The following ATP6V1H variants were observed in gnomAD, a reference collection of about 807,000 sequenced individuals.
The protein encoded by ATP6V1H is ATPase H+ transporting V1 subunit H, also known as V-type proton ATPase subunit H.
A neutral mutation model predicts 71.7 loss-of-function variants in ATP6V1H; 39 were observed. The observed-to-expected ratio is 0.54, with a 90% CI of 0.42 to 0.71. The LOEUF (loss-of-function observed/expected upper bound fraction) is 0.71. ATP6V1H is among the 30% of genes least tolerant of loss of function. ATP6V1H has a pLI of 0.00. For synonymous variants in ATP6V1H, 192 were observed against 199.3 expected (o/e 0.96, Z 0.31); for missense variants, 509 against 594.9 (o/e 0.86, Z 1.50).
intron 12 of ATP6V1H, among the ~76,000 whole-genome samples, chr8:53,747,344 T>C (rs1807638988): frequency 1.3e-5 from 2 of 152,166 alleles, no homozygotes; most frequent in South Asian, 4.1e-4. Context: ...AGTTATAAAT[T>C]CAATGAGCAC....
intron 9 of ATP6V1H, among the ~76,000 whole-genome samples, chr8:53,792,019 T>C (rs1207917309): frequency 1.3e-5 from 2 of 152,106 alleles, no homozygotes; most frequent in African/African-American, 4.8e-5. Flanking sequence ...AGCACTTAAG[T>C]AGAAGAAAAA....
intron 7 of ATP6V1H, among the ~76,000 whole-genome samples, chr8:53,807,596 C>T (rs1037242173): frequency 6.6e-6 from 1 of 152,124 alleles, no homozygotes; most frequent in Non-Finnish European, 1.5e-5. Context: ...CCAAAAGAGG[C>T]AAATCCCAAG....
intron 4 of ATP6V1H, among the ~76,000 whole-genome samples, chr8:53,822,426 A>G (rs567415675): frequency 4.4e-4 from 67 of 152,292 alleles, no homozygotes; most frequent in African/African-American, 1.6e-3. Context: ...AAGTTCATTG[A>G]CTGTTGCAAA....
intron 11 of ATP6V1H, among the ~76,000 whole-genome samples, chr8:53,766,941 C>T (rs1171930516): frequency 6.6e-6 from 1 of 152,186 alleles, no homozygotes; most frequent in South Asian, 2.1e-4. Context: ...TTCTATTACC[C>T]TGTTAAGAAC....
At chr8:53,774,405 T>C (rs1370591097) in intron 9 of ATP6V1H, among the ~76,000 whole-genome samples, 2 of 152,196 alleles carry the variant, frequency 1.3e-5, no homozygotes, top group South Asian at 2.1e-4. Flanking sequence ...ACAGTTCAGT[T>C]TGAACTGTTA....
chr8:53,819,759 A>G (rs1341470133), intron 4 of ATP6V1H, among the ~76,000 whole-genome samples: 1 of 144,108 alleles, frequency 6.9e-6, no homozygotes, highest in Non-Finnish European at 1.5e-5. Flanking sequence ...ATATATACAC[A>G]CATTTGTATA....
chr8:53,805,184 C>T (rs1389459624), intron 7 of ATP6V1H, among the ~76,000 whole-genome samples: 2 of 152,084 alleles, frequency 1.3e-5, no homozygotes, highest in South Asian at 2.1e-4. Context: ...GAATAAAGAC[C>T]GTATTCATCT....
chr8:53,751,914 C>T (rs1166311911), intron 12 of ATP6V1H, among the ~76,000 whole-genome samples: 3 of 152,104 alleles, frequency 2.0e-5, no homozygotes, highest in Non-Finnish European at 4.4e-5. Flanking sequence ...GTGATCTGCC[C>T]ACCTTGGCCT....
At chr8:53,754,440 G>A (rs1350544232) in intron 12 of ATP6V1H, among the ~76,000 whole-genome samples, 1 of 152,070 alleles carries the variant, frequency 6.6e-6, no homozygotes, top group Non-Finnish European at 1.5e-5. Context: ...CAAGCACCAG[G>A]ATAAGGCCAA....
At chr8:53,779,169 T>C (rs1809005509) in intron 9 of ATP6V1H, among the ~76,000 whole-genome samples, 1 of 152,124 alleles carries the variant, frequency 6.6e-6, no homozygotes, top group Non-Finnish European at 1.5e-5. Context: ...ATAGAAGATC[T>C]AAATAACACT....
At chr8:53,815,696 T>C (rs1211684474) in intron 5 of ATP6V1H, among the ~76,000 whole-genome samples, 1 of 152,208 alleles carries the variant, frequency 6.6e-6, no homozygotes, top group Non-Finnish European at 1.5e-5. Context: ...TATAAATACA[T>C]TATCTAGTTT....
At chr8:53,749,198 G>A (rs1241904831) in intron 12 of ATP6V1H, among the ~76,000 whole-genome samples, 1 of 152,140 alleles carries the variant, frequency 6.6e-6, no homozygotes, top group Non-Finnish European at 1.5e-5. Flanking sequence ...ACAGAAAATT[G>A]GACATTTGTA....
In ATP6V1H at chr8:53,780,714, C is replaced by T. The variant is rs895396976; in HGVS notation, c.871-8547G>A. ...CCATCCCCCACTCCACAACAGCCCC[C>T]GGTGTGTGATGTTCCCCTTCCTGTG... On this transcript the variant is annotated intron_variant, in intron 9 of 13. Transcript: ENST00000359530. 8.5e-5 allele frequency among the ~76,000 whole-genome samples: 13 copies of T among 152,126 alleles called. No individual in the cohort carries two copies. In the East Asian group the frequency reaches 1.9e-3, roughly 23 times the overall value.
At chr8:53,734,774 G>A (rs1296753400) in intron 13 of ATP6V1H, among the ~76,000 whole-genome samples, 2 of 152,072 alleles carry the variant, frequency 1.3e-5, no homozygotes, top group East Asian at 1.9e-4. Flanking sequence ...ACCCGCTACC[G>A]GGCGTCAGTC....
At chr8:53,829,348 C>A in intron 4 of ATP6V1H, 96 bp downstream of exon 4, 1 of 775,868 alleles carries the variant, frequency 1.3e-6, no homozygotes, top group South Asian at 1.5e-5. Context: ...TAGAAGAGAA[C>A]AAATGTTCTA....
Position 53,814,733 on chromosome 8 carries a change from C to G in ATP6V1H, c.454G>C (p.Gly152Arg). Residue 152 changes from glycine (G) to arginine (R), a missense_variant, in exon 6 of 14, where the codon GGA becomes CGA. Gly to Arg is a moderately radical substitution (Grantham distance 125). Transcript: ENST00000359530. ...TCACTGCCTTCCATCAGTTCTTTTC[C>G]CCAAGCTGCTAACTTGGCAATAATT... ...ARIIAKLAAWGKELMEGSDLN... is the reference protein window; with the variant it reads ...ARIIAKLAAWRKELMEGSDLN... 6.2e-7 allele frequency: 1 copy of G among 1,612,598 alleles called. No individual in the cohort carries two copies. Among genetic ancestry groups the G allele is most frequent in the Non-Finnish European group, 8.5e-7 (1 of 1,179,444 alleles).
intron 9 of ATP6V1H, among the ~76,000 whole-genome samples, chr8:53,789,429 T>C (rs1012694503): frequency 6.6e-6 from 1 of 152,104 alleles, no homozygotes; most frequent in East Asian, 1.9e-4. Context: ...TCCCAGCACT[T>C]TGGGAGGCCG....
intron 11 of ATP6V1H, among the ~76,000 whole-genome samples, chr8:53,766,735 C>T (rs1208566958): frequency 6.6e-6 from 1 of 152,152 alleles, no homozygotes; most frequent in Middle Eastern, 3.2e-3. Flanking sequence ...ACTCCAGTCT[C>T]CCATAGCGTT....
At chr8:53,788,199 A>G (rs925355672) in intron 9 of ATP6V1H, among the ~76,000 whole-genome samples, 1 of 152,194 alleles carries the variant, frequency 6.6e-6, no homozygotes, top group Non-Finnish European at 1.5e-5. Flanking sequence ...TATTCACATA[A>G]TAAGTGCATT....
Sources: gnomAD v4.1 joint callset for allele counts (sites outside exome capture counted in the v4.1 genomes callset) on GRCh38, gnomAD v4.1.1 for gene constraint, MANE v1.5 for transcripts, NCBI Gene and HGNC (gene_info 2026-07-23, HGNC 2026-07-21) for gene names.